The following VSIG8 variants were observed in gnomAD, a reference collection of about 807,000 sequenced individuals.
VSIG8 encodes V-set and immunoglobulin domain containing 8, also known as V-set and immunoglobulin domain-containing protein 8.
Under a neutral mutation model 42.6 loss-of-function variants are expected in VSIG8, and 32 were observed. The observed-to-expected ratio is 0.75, with a 90% CI of 0.57 to 1.01. The LOEUF (loss-of-function observed/expected upper bound fraction) is 1.01, where lower values mean the gene tolerates loss of function less well. Among genes scored for constraint, VSIG8 ranks in the 50% least tolerant of loss-of-function variants. The probability of loss-of-function intolerance (pLI) is 0.00; values close to 1 mark genes in which losing one functional copy is unlikely to be tolerated. For synonymous variants in VSIG8, 290 were observed against 243.8 expected, an observed-to-expected ratio of 1.19 and a Z score of -1.77; for missense variants, 529 against 558.0, an observed-to-expected ratio of 0.95 and a Z score of 0.52.
rs7536028 is a variant in VSIG8 at position 159,860,137 on chromosome 1, C to A, written c.50-1225G>T. 2.4e-3 allele frequency among the ~76,000 whole-genome samples: 364 copies of A among 152,306 alleles called. 3 individuals carry two copies. Among genetic ancestry groups the A allele is most frequent in the African/African-American group, 8.4e-3 (350 of 41,544 alleles). Reference sequence around the variant, plus strand: ...AGTCACAGCCCCAGGTCTCAGCAATCATTCTGTTCTATCATGTGGCTCAGG... The same window carrying A: ...AGTCACAGCCCCAGGTCTCAGCAATAATTCTGTTCTATCATGTGGCTCAGG... On this transcript the variant is annotated intron_variant, in intron 1 of 6. Coordinates refer to ENST00000368100, the MANE Select transcript of VSIG8 (RefSeq NM_001013661.1).
In VSIG8 at chr1:159,862,599, G is replaced by A; in HGVS notation, c.-78C>T. 7.6e-7 allele frequency: 1 copy of A among 1,318,894 alleles called. No individual in the cohort carries two copies. Among genetic ancestry groups the A allele is most frequent in the Non-Finnish European group, 1.1e-6 (1 of 936,728 alleles). 81.7% of individuals were successfully genotyped at this position (1,318,894 alleles called of 1,614,324 possible). On this transcript the variant is annotated 5_prime_UTR_variant, in exon 1 of 7. Transcript: ENST00000368100. The stretch of plus-strand genomic sequence containing the variant: ...AGTGGTGGGTGTGAGGGGGTAGGTG[G>A]AGGGAGGGGGAGCTGAGGGCCCAGA...
chr1:159,856,473 C>T (rs572146767), intron 5 of VSIG8, 51 bp downstream of exon 5: 2 of 1,605,598 alleles, frequency 1.2e-6, no homozygotes, highest in East Asian at 2.2e-5. Context: ...AGCCCAGCCT[C>T]CTCCAGTTCA....
chr1:159,856,136 A>G, intron 5 of VSIG8, 55 bp from the exon 6 acceptor site: 1 of 1,544,948 alleles, frequency 6.5e-7, no homozygotes, highest in Non-Finnish European at 8.8e-7. Flanking sequence ...CAGGTGCCTG[A>G]GGGAACAGCA....
At position 159,858,829 on chromosome 1, in the gene VSIG8, G is replaced by A. The variant is rs1324301184; in HGVS notation, c.133C>T (p.Pro45Ser). 1 of 1,614,020 alleles carries A rather than the reference G, an allele frequency of 6.2e-7. No individual in the cohort carries two copies. Among genetic ancestry groups the A allele is most frequent in the Admixed American group, 1.7e-5 (1 of 60,018 alleles). ...AEGDNVRLGC[P>S]YVLDPEDYGP... ...TAGTCCTCAGGGTCCAGGACGTAGG[G>A]GCAGCCCAGCCTCACATTATCACCT... The change falls in exon 2 of 7, where the codon CCC becomes TCC. Residue 45 changes from proline to serine, a missense_variant. By Grantham distance (74) the Pro-to-Ser change is moderately conservative (BLOSUM62 -1). Coordinates refer to ENST00000368100, the MANE Select transcript of VSIG8 (RefSeq NM_001013661.1).
Position 159,854,492 on chromosome 1 carries a change from C to T in VSIG8, c.*261G>A. The T allele has an allele frequency of 1.6e-6, 1 of 635,698 alleles. No homozygotes were observed. Among genetic ancestry groups the T allele is most frequent in the Non-Finnish European group, 2.3e-6 (1 of 427,656 alleles). 39.4% of individuals were successfully genotyped at this position (635,698 alleles called of 1,614,324 possible). A position where few individuals can be genotyped will look rare whatever the true frequency, so the allele number is the denominator to read the frequency against. On this transcript the variant is annotated 3_prime_UTR_variant, in exon 7 of 7. Transcript: ENST00000368100. ...TCTAGGACACTCAGCCTCCTCCTCC[C>T]TCCCTCTCCCCCAAGCCTTCGGTCC...
chr1:159,856,833 A>G (rs1648849497), intron 4 of VSIG8, among the ~76,000 whole-genome samples, 190 bp from the exon 5 acceptor site: 2 of 152,246 alleles, frequency 1.3e-5, no homozygotes, highest in East Asian at 1.9e-4. Context: ...TGTGAAAGAG[A>G]TGCAAGAAAG....
At chr1:159,856,292 C>T (rs933992599) in intron 5 of VSIG8, among the ~76,000 whole-genome samples, 1 of 152,170 alleles carries the variant, frequency 6.6e-6, no homozygotes, top group African/African-American at 2.4e-5. Context: ...CTTCCAGCTG[C>T]TCTGGGCTCT....
Position 159,857,828 on chromosome 1 carries a change from T to C in VSIG8, c.569A>G (p.Tyr190Cys). 6.2e-7 allele frequency: 1 copy of C among 1,614,164 alleles called. No individual in the cohort carries two copies. The highest frequency in any genetic ancestry group is 2.2e-5 in the East Asian group (1 of 44,864). ...WAKISGHHYP[Y>C]RAGSYTSQHS... ...CTGGGAGGTGTAAGACCCAGCTCGA[T>C]AGGGGTAATGGTGCCCACTGATCTT... The change falls in exon 4 of 7, where the codon TAT (tyrosine) becomes TGT (cysteine). Residue 190 changes from tyrosine to cysteine, a missense_variant. Tyr to Cys is a radical substitution (Grantham distance 194). Transcript: ENST00000368100.
intron 1 of VSIG8, among the ~76,000 whole-genome samples, chr1:159,859,121 A>C (rs1244420200): frequency 2.0e-5 from 3 of 152,134 alleles, no homozygotes; most frequent in African/African-American, 4.8e-5. Flanking sequence ...TAGCTGTTAT[A>C]TATGTAGCTG....
chr1:159,857,798 C>T lies in VSIG8; in HGVS notation c.599G>A (p.Ser200Asn), dbSNP rs768221659. Residue 200 changes from serine to asparagine, a missense_variant, in exon 4 of 7, where the codon AGC becomes AAC. Coordinates refer to ENST00000368100, the MANE Select transcript of VSIG8 (RefSeq NM_001013661.1). ...CTGGTAGGACAGCTCTGAGTGGTAG[C>T]TGTGCTGGGAGGTGTAAGACCCAGC... ...YRAGSYTSQH[S>N]YHSELSYQES... The T allele has an allele frequency of 1.7e-5, 27 of 1,614,084 alleles. No homozygotes were observed. The highest frequency in any genetic ancestry group is 2.1e-5 in the Non-Finnish European group (25 of 1,180,034).
At chr1:159,857,559 G>A (rs1296400394) in intron 4 of VSIG8, among the ~76,000 whole-genome samples, 186 bp downstream of exon 4, 3 of 145,010 alleles carry the variant, frequency 2.1e-5, no homozygotes, top group African/African-American at 7.5e-5. Flanking sequence ...TGGGCAACAA[G>A]AGCGAAACTC....
chr1:159,856,591 C>A lies in VSIG8; in HGVS notation c.705G>T (p.Gly235=). The A allele has an allele frequency of 6.2e-7, 1 of 1,614,218 alleles. No homozygotes were observed. Among genetic ancestry groups the A allele is most frequent in the South Asian group, 1.1e-5 (1 of 91,084 alleles). ...VLKDISRADD[G]LYQCTVANNV... is the part of the protein sequence containing the mutation. Reference sequence around the variant, plus strand: ...TGTTGGCCACTGTGCACTGATACAGCCCATCATCTGCTCTGGAGATATCCT... The same window carrying A: ...TGTTGGCCACTGTGCACTGATACAGACCATCATCTGCTCTGGAGATATCCT... The change falls in exon 5 of 7, where the codon GGG becomes GGT. Residue 235 remains glycine (G), a synonymous_variant. Coordinates refer to ENST00000368100, the MANE Select transcript of VSIG8 (RefSeq NM_001013661.1).
Position 159,855,865 on chromosome 1 carries a change from G to A in VSIG8, c.971+18C>T. The A allele has an allele frequency of 1.3e-6, 2 of 1,546,446 alleles. No individual in the cohort carries two copies. Among genetic ancestry groups the A allele is most frequent in the Non-Finnish European group, 1.7e-6 (2 of 1,153,880 alleles). ...GTTCCCTGCCGCACAGCAGCATGCA[G>A]CATGCATCAGGTTTTACCTGATCTC... On this transcript the variant is annotated intron_variant, in intron 6 of 6. Transcript: ENST00000368100.
At chr1:159,860,459 C>T (rs544131871) in intron 1 of VSIG8, among the ~76,000 whole-genome samples, 18 of 152,168 alleles carry the variant, frequency 1.2e-4, no homozygotes, top group Non-Finnish European at 2.4e-4. Flanking sequence ...GAAGGCTTAG[C>T]CTGGCTCCAG....
chr1:159,855,197 G>A, intron 6 of VSIG8, 171 bp from the exon 7 acceptor site: 1 of 1,551,676 alleles, frequency 6.4e-7, no homozygotes, highest in Non-Finnish European at 8.7e-7. Flanking sequence ...ACCCTTCCTG[G>A]GTCGGCGACC....
At position 159,854,481 on chromosome 1, in the gene VSIG8, C is replaced by T. The variant is rs1369907829; in HGVS notation, c.*272G>A. 5.2e-6 allele frequency: 3 copies of T among 582,300 alleles called. No homozygotes were observed. The highest frequency in any genetic ancestry group is 5.2e-6 in the Non-Finnish European group (2 of 382,736). 36.1% of individuals were successfully genotyped at this position (582,300 alleles called of 1,614,324 possible). On this transcript the variant is annotated 3_prime_UTR_variant, in exon 7 of 7. Coordinates refer to ENST00000368100, the MANE Select transcript of VSIG8 (RefSeq NM_001013661.1). ...GCCTCAGCCGCTCTAGGACACTCAG[C>T]CTCCTCCTCCCTCCCTCTCCCCCAA...
Position 159,860,099 on chromosome 1 carries a change from A to C in VSIG8, c.50-1187T>G, listed in dbSNP as rs147749080. Among the ~76,000 whole-genome samples, 393 of 152,156 alleles carry C rather than the reference A, an allele frequency of 2.6e-3. 1 individual carries two copies. Among genetic ancestry groups the C allele is most frequent in the African/African-American group, 9.1e-3 (377 of 41,504 alleles). On this transcript the variant is annotated intron_variant, in intron 1 of 6. Coordinates refer to ENST00000368100, the MANE Select transcript of VSIG8 (RefSeq NM_001013661.1). ...TCCGTCTGCGTTCTTTTTTGAGTCA[A>C]CATGTCTTCTGGAGTCACAGCCCCA...
chr1:159,856,189 G>A, intron 5 of VSIG8, 108 bp from the exon 6 acceptor site: 2 of 1,119,450 alleles, frequency 1.8e-6, no homozygotes, highest in Non-Finnish European at 2.5e-6. Flanking sequence ...AGAGGGAGAG[G>A]GACCCAGGGG....
chr1:159,855,821 T>C, intron 6 of VSIG8, 62 bp downstream of exon 6: 2 of 1,474,024 alleles, frequency 1.4e-6, no homozygotes, highest in South Asian at 1.4e-5. Context: ...CAGGCAGGAG[T>C]GAGGTGGGCA....
Sources: gnomAD v4.1 joint callset for allele counts (sites outside exome capture counted in the v4.1 genomes callset) on GRCh38, gnomAD v4.1.1 for gene constraint, MANE v1.5 for transcripts, NCBI Gene and HGNC (gene_info 2026-07-23, HGNC 2026-07-21) for gene names.